NTM: variants seen among roughly 807,000 people sequenced by gnomAD.
The protein encoded by NTM is neurotrimin.
NTM carries 13 observed loss-of-function variants against 42.1 expected under a neutral mutation model. The observed-to-expected ratio is 0.31, with a 90% confidence interval of 0.20 to 0.49. NTM has a LOEUF of 0.49. Ranked by LOEUF, NTM falls within the 20% of genes least tolerant of loss-of-function variation. The pLI is 0.99. For missense variants in NTM, 373 were observed against 452.8 expected (o/e 0.82, Z 1.60); for synonymous variants, 187 against 179.2 (o/e 1.04, Z -0.35).
At chr11:131,891,021 G>A (rs776956436) in intron 1 of NTM, among the ~76,000 whole-genome samples, 1 of 152,170 alleles carries the variant, frequency 6.6e-6, no homozygotes, top group Non-Finnish European at 1.5e-5. Context: ...TTTAGACTAT[G>A]TCAGCTCTCT....
At chr11:131,693,463 C>G (rs1292064059) in intron 1 of NTM, among the ~76,000 whole-genome samples, 1 of 152,098 alleles carries the variant, frequency 6.6e-6, no homozygotes, top group Admixed American at 6.6e-5. Context: ...ATCATCAAGA[C>G]AGGTTAAGGA....
At chr11:131,768,307 G>A (rs920170251) in intron 1 of NTM, among the ~76,000 whole-genome samples, 3 of 151,814 alleles carry the variant, frequency 2.0e-5, no homozygotes, top group Admixed American at 6.6e-5. Flanking sequence ...TAGTACAGAC[G>A]GGGTTTCTCC....
intron 2 of NTM, among the ~76,000 whole-genome samples, chr11:132,019,275 T>C (rs890151947): frequency 3.9e-5 from 6 of 152,010 alleles, no homozygotes; most frequent in African/African-American, 7.2e-5. Flanking sequence ...TTTGCCTTTT[T>C]TTAACATAGA....
In NTM at chr11:131,852,986, G is replaced by A. The variant is rs74403294; in HGVS notation, c.83-58578G>A. On this transcript the variant is annotated intron_variant, in intron 1 of 8. Transcript: ENST00000683400. The stretch of plus-strand genomic sequence containing the variant: ...TCCATCCACCCATTTATTCACCCAC[G>A]CATCCATCCACCTACCACCCATCCA... Among the ~76,000 whole-genome samples the A allele has an allele frequency of 4.0e-3, 554 of 139,612 alleles. 2 individuals are homozygous for A. Among genetic ancestry groups the A allele is most frequent in the African/African-American group, 0.011 (389 of 36,748 alleles). 91.6% of individuals were successfully genotyped at this position (139,612 alleles called of 152,430 possible). A position where few individuals can be genotyped will look rare whatever the true frequency, so the allele number is the denominator to read the frequency against.
chr11:131,716,898 T>C (rs953838407), intron 1 of NTM, among the ~76,000 whole-genome samples: 2 of 152,196 alleles, frequency 1.3e-5, no homozygotes, highest in Non-Finnish European at 2.9e-5. Flanking sequence ...TGCAGTGCAG[T>C]GGCACAATCA....
intron 1 of NTM, among the ~76,000 whole-genome samples, chr11:131,586,437 C>T (rs1201660031): frequency 6.6e-6 from 1 of 152,204 alleles, no homozygotes; most frequent in Non-Finnish European, 1.5e-5. Context: ...TCTGGGATTA[C>T]TCACCCAGGG....
chr11:132,324,608 T>G (rs1256574588), intron 7 of NTM, among the ~76,000 whole-genome samples: 4 of 146,750 alleles, frequency 2.7e-5, no homozygotes, highest in African/African-American at 1.0e-4. Flanking sequence ...CAAGGTAATT[T>G]ACAGATTCAA....
At chr11:131,475,312 T>C (rs1179489768) in intron 1 of NTM, among the ~76,000 whole-genome samples, 1 of 152,206 alleles carries the variant, frequency 6.6e-6, no homozygotes, top group Admixed American at 6.5e-5. Context: ...ATTATAGGGT[T>C]ATTCCTCTGA....
chr11:132,094,198 G>C (rs910787047), intron 2 of NTM, among the ~76,000 whole-genome samples: 4 of 152,104 alleles, frequency 2.6e-5, no homozygotes, highest in African/African-American at 9.7e-5. Flanking sequence ...AAATCTTTAG[G>C]CTGAACTTAA....
chr11:132,330,299 G>T, intron 8 of NTM, 114 bp downstream of exon 8: 1 of 1,209,954 alleles, frequency 8.3e-7, no homozygotes, highest in South Asian at 1.5e-5. Flanking sequence ...CAGCGCAGAG[G>T]GAACCCTCCC....
chr11:131,493,945 T>G (rs1955064851), intron 1 of NTM, among the ~76,000 whole-genome samples: 1 of 152,180 alleles, frequency 6.6e-6, no homozygotes, highest in Non-Finnish European at 1.5e-5. Context: ...TCATGCCAAA[T>G]TTATTATCAT....
intron 1 of NTM, among the ~76,000 whole-genome samples, chr11:131,763,598 T>C (rs1412288351): frequency 1.3e-5 from 2 of 151,924 alleles, no homozygotes; most frequent in South Asian, 2.1e-4. Flanking sequence ...TCCCTATACA[T>C]GTCTGAATCT....
At chr11:131,699,781 T>C (rs1334083186) in intron 1 of NTM, among the ~76,000 whole-genome samples, 1 of 152,002 alleles carries the variant, frequency 6.6e-6, no homozygotes, top group African/African-American at 2.4e-5. Flanking sequence ...AGCATGAAGG[T>C]AACCACCCCC....
intron 1 of NTM, among the ~76,000 whole-genome samples, chr11:131,890,024 C>G (rs2051028510): frequency 6.6e-6 from 1 of 152,096 alleles, no homozygotes; most frequent in Non-Finnish European, 1.5e-5. Flanking sequence ...CCACCCAAAG[C>G]TCATCTCTCC....
chr11:131,622,320 T>C (rs2062658929), intron 1 of NTM, among the ~76,000 whole-genome samples: 1 of 152,254 alleles, frequency 6.6e-6, no homozygotes. Flanking sequence ...CATTTACTTC[T>C]TAGTTTGCAT....
intron 2 of NTM, among the ~76,000 whole-genome samples, chr11:131,928,287 A>T (rs892942100): frequency 6.6e-6 from 1 of 152,232 alleles, no homozygotes; most frequent in Non-Finnish European, 1.5e-5. Context: ...TAATAATTAC[A>T]TTAAGACAAG....
At chr11:132,116,292 G>T (rs2063881753) in intron 2 of NTM, among the ~76,000 whole-genome samples, 1 of 152,196 alleles carries the variant, frequency 6.6e-6, no homozygotes, top group Non-Finnish European at 1.5e-5. Flanking sequence ...GGCCAATCCA[G>T]CAAGTGCTAG....
intron 2 of NTM, among the ~76,000 whole-genome samples, chr11:131,942,726 G>A (rs921705803): frequency 5.9e-5 from 9 of 151,978 alleles, no homozygotes; most frequent in South Asian, 2.1e-4. Flanking sequence ...TGGATGGATC[G>A]TTTGAGGTCA....
At chr11:131,995,658 C>T (rs895331673) in intron 2 of NTM, among the ~76,000 whole-genome samples, 1 of 152,074 alleles carries the variant, frequency 6.6e-6, no homozygotes, top group African/African-American at 2.4e-5. Flanking sequence ...GGGCATGTTA[C>T]TGAAATGCCA....
Sources: allele counts gnomAD v4.1 joint callset (sites outside exome capture counted in the v4.1 genomes callset), GRCh38; gene constraint gnomAD v4.1.1; transcripts MANE v1.5; gene names NCBI Gene and HGNC (gene_info 2026-07-23, HGNC 2026-07-21).